SETBP1: variants seen among roughly 807,000 people sequenced by gnomAD.
SETBP1 encodes the protein SET-binding protein.
Under a neutral mutation model 101.0 loss-of-function variants are expected in SETBP1, and 9 were observed. That is an observed-to-expected ratio of 0.09 (90% CI 0.05 to 0.16). The LOEUF (loss-of-function observed/expected upper bound fraction) is 0.16. SETBP1 is among the 10% of genes least tolerant of loss of function. The pLI, the probability that SETBP1 is intolerant of heterozygous loss-of-function variation, is 1.00. For missense variants in SETBP1, 1,858 were observed against 2,033.8 expected, an observed-to-expected ratio of 0.91 and a Z score of 1.66; for synonymous variants, 818 against 788.5, an observed-to-expected ratio of 1.04 and a Z score of -0.63.
intron 4 of SETBP1, among the ~76,000 whole-genome samples, chr18:44,972,473 G>C (rs1390779129): frequency 6.6e-6 from 1 of 152,126 alleles, no homozygotes. Context: ...GGGCAGTATG[G>C]CCATTTTCAA....
intron 2 of SETBP1, among the ~76,000 whole-genome samples, chr18:44,754,521 A>G (rs1310916702): frequency 6.6e-6 from 1 of 152,230 alleles, no homozygotes; most frequent in Admixed American, 6.5e-5. Flanking sequence ...AGATGAAATC[A>G]TAGAATAGGC....
intron 2 of SETBP1, among the ~76,000 whole-genome samples, chr18:44,704,556 T>A (rs1472555487): frequency 6.6e-6 from 1 of 152,220 alleles, no homozygotes; most frequent in Non-Finnish European, 1.5e-5. Context: ...ACAGCTATCA[T>A]CACTGAGTCT....
intron 1 of SETBP1, among the ~76,000 whole-genome samples, chr18:44,685,717 G>C (rs182689461): frequency 6.6e-6 from 1 of 152,286 alleles, no homozygotes; most frequent in East Asian, 1.9e-4. Context: ...TTTCCATGCT[G>C]CCTCCTGGAA....
chr18:44,860,200 C>T (rs573023585), intron 2 of SETBP1, among the ~76,000 whole-genome samples: 6 of 152,256 alleles, frequency 3.9e-5, no homozygotes, highest in Admixed American at 3.3e-4. Context: ...GGTGGATATT[C>T]CCTCAGCACC....
At chr18:44,741,315 A>G (rs1599058806) in intron 2 of SETBP1, among the ~76,000 whole-genome samples, 2 of 152,182 alleles carry the variant, frequency 1.3e-5, no homozygotes, top group East Asian at 3.9e-4. Context: ...GGGATGATCA[A>G]CAGCAAATAG....
Position 44,952,832 on chromosome 18 carries a change from A to G in SETBP1, c.3492A>G (p.Leu1164=), listed in dbSNP as rs2071392588. 1.2e-6 allele frequency: 2 copies of G among 1,614,122 alleles called. No individual in the cohort carries two copies. The highest frequency in any genetic ancestry group is 4.5e-5 in the East Asian group (2 of 44,858). ...HKHKHKEDRI[L]GTHDNLSGLF... ...ATAAGCACAAGGAAGACCGGATCCT[A>G]GGGACCCATGACAACCTGAGTGGTC... The change falls in exon 4 of 6, where the codon CTA becomes CTG. Residue 1164 remains leucine, a synonymous_variant. Coordinates refer to ENST00000649279, the MANE Select transcript of SETBP1 (RefSeq NM_015559.3).
chr18:44,895,234 G>A (rs1303138531), intron 3 of SETBP1, among the ~76,000 whole-genome samples: 2 of 82,258 alleles, frequency 2.4e-5, no homozygotes, highest in Non-Finnish European at 5.1e-5. Context: ...GAGGGAGAGA[G>A]GAAGGGAGGG....
At chr18:44,934,408 C>T (rs924508294) in intron 3 of SETBP1, among the ~76,000 whole-genome samples, 4 of 152,218 alleles carry the variant, frequency 2.6e-5, no homozygotes, top group East Asian at 1.9e-4. Context: ...CTCGGCCTCC[C>T]GAAGTGCTGG....
chr18:44,818,233 A>G (rs1366862961), intron 2 of SETBP1, among the ~76,000 whole-genome samples: 1 of 152,130 alleles, frequency 6.6e-6, no homozygotes, highest in Non-Finnish European at 1.5e-5. Context: ...GAGATGTTTC[A>G]TTGCATGTTT....
intron 4 of SETBP1, among the ~76,000 whole-genome samples, chr18:45,023,305 T>C (rs181967414): frequency 3.9e-5 from 6 of 152,332 alleles, no homozygotes; most frequent in African/African-American, 1.4e-4. Context: ...CCAGGTACAA[T>C]GGAAGGTAAT....
intron 3 of SETBP1, among the ~76,000 whole-genome samples, chr18:44,939,552 G>A (rs1034424516): frequency 5.3e-5 from 8 of 152,190 alleles, no homozygotes; most frequent in Non-Finnish European, 7.3e-5. Flanking sequence ...AATTGTGGAT[G>A]TATGTTTTCT....
intron 2 of SETBP1, among the ~76,000 whole-genome samples, chr18:44,794,846 C>T (rs2071441827): frequency 6.6e-6 from 1 of 152,084 alleles, no homozygotes; most frequent in Non-Finnish European, 1.5e-5. Context: ...CAAAATGTGT[C>T]TTAGGATCTG....
At chr18:44,698,815 T>A (rs989044530) in intron 1 of SETBP1, among the ~76,000 whole-genome samples, 28 of 152,238 alleles carry the variant, frequency 1.8e-4, no homozygotes, top group African/African-American at 6.5e-4. Flanking sequence ...TTTTCCTTAG[T>A]ATTTTGATTT....
chr18:44,943,054 AC>A (rs1249120081), intron 3 of SETBP1, among the ~76,000 whole-genome samples: 1 of 152,196 alleles, frequency 6.6e-6, no homozygotes, highest in Non-Finnish European at 1.5e-5. Context: ...AGATCATGGT[AC>A]TAAAAAGATA....
At chr18:44,890,299 G>C (rs2069737942) in intron 3 of SETBP1, among the ~76,000 whole-genome samples, 1 of 152,188 alleles carries the variant, frequency 6.6e-6, no homozygotes, top group Middle Eastern at 3.4e-3. Context: ...TCTTACTGCA[G>C]TATCGCCAAA....
In SETBP1 at chr18:44,951,220, G is replaced by C; in HGVS notation, c.1880G>C (p.Arg627Pro). ...GGCACTAAGAAAAGAAAGCGACGACGCAATTTAGCGAAGTTGGCCCAGCTA... is the reference window on the plus strand; with the variant it reads ...GGCACTAAGAAAAGAAAGCGACGACCCAATTTAGCGAAGTTGGCCCAGCTA... ...FPGTKKRKRR[R>P]NLAKLAQLVP... Residue 627 changes from arginine (R) to proline (P), a missense_variant, in exon 4 of 6, where the codon CGC (arginine) becomes CCC (proline). Physicochemically the swap from Arg to Pro is moderately radical, Grantham distance 103. Transcript: ENST00000649279. The surrounding 1 kb of genome is among the most constrained non-coding windows in gnomAD (Gnocchi z 7.8). The C allele has an allele frequency of 6.2e-7, 1 of 1,614,118 alleles. No homozygotes were observed. The highest frequency in any genetic ancestry group is 1.1e-5 in the South Asian group (1 of 91,084).
intron 4 of SETBP1, among the ~76,000 whole-genome samples, chr18:45,002,489 G>T (rs1359401411): frequency 5.3e-5 from 8 of 152,086 alleles, no homozygotes; most frequent in Admixed American, 5.2e-4. Context: ...TAATTTGGTG[G>T]TATTAATGGT....
At chr18:44,824,560 T>C (rs2072191695) in intron 2 of SETBP1, among the ~76,000 whole-genome samples, 1 of 152,222 alleles carries the variant, frequency 6.6e-6, no homozygotes, top group South Asian at 2.1e-4. Flanking sequence ...GATTTCCTGA[T>C]TGCGCCTCTA....
intron 1 of SETBP1, among the ~76,000 whole-genome samples, chr18:44,694,103 C>T (rs1368122746): frequency 6.6e-6 from 1 of 152,178 alleles, no homozygotes; most frequent in African/African-American, 2.4e-5. Flanking sequence ...TTTCTCAGTT[C>T]AGCAAAACAA....
Sources: allele counts gnomAD v4.1 joint callset (sites outside exome capture counted in the v4.1 genomes callset), GRCh38; gene constraint gnomAD v4.1.1; non-coding constraint Gnocchi (gnomAD v3.1); transcripts MANE v1.5; gene names NCBI Gene and HGNC (gene_info 2026-07-23, HGNC 2026-07-21).